PCDHGA7: variants seen among roughly 807,000 people sequenced by gnomAD.
PCDHGA7 encodes the protein protocadherin gamma-A7.
A neutral mutation model predicts 58.3 loss-of-function variants in PCDHGA7; 44 were observed. The observed-to-expected ratio is 0.75, with a 90% CI of 0.59 to 0.97. The LOEUF is 0.97. Among genes scored for constraint, PCDHGA7 ranks in the 50% least tolerant of loss-of-function variants. The pLI is 0.00. For missense variants in PCDHGA7, 1,266 were observed against 1,188.7 expected (o/e 1.06, Z -0.96); for synonymous variants, 516 against 504.2 (o/e 1.02, Z -0.31).
intron 1 of PCDHGA7, among the ~76,000 whole-genome samples, chr5:141,450,830 T>TTTA (rs1554136905): frequency 6.9e-5 from 7 of 101,548 alleles, no homozygotes; most frequent in East Asian, 2.6e-4. Flanking sequence ...ATTATTATTA[T>TTTA]TTTTTTTTTT....
chr5:141,390,965 A>G (rs2092279401), intron 1 of PCDHGA7: 1 of 152,252 alleles, frequency 6.6e-6, no homozygotes, highest in Admixed American at 6.5e-5. Context: ...TACTTGTAAC[A>G]TAGGAGTTTC....
chr5:141,425,394 G>T (rs186813737), intron 1 of PCDHGA7, among the ~76,000 whole-genome samples: 10 of 152,302 alleles, frequency 6.6e-5, no homozygotes, highest in African/African-American at 2.4e-4. Context: ...TAGTGATAAA[G>T]TTCTGTTAAG....
At chr5:141,458,891 G>A (rs775720263) in intron 1 of PCDHGA7, among the ~76,000 whole-genome samples, 10 of 151,976 alleles carry the variant, frequency 6.6e-5, no homozygotes, top group South Asian at 2.1e-4. Context: ...CACACCATGC[G>A]CAGCTAATTT....
In PCDHGA7 at chr5:141,384,761, TG is replaced by T. The variant is rs747704737; in HGVS notation, c.1863del (p.Tyr622ThrfsTer84). 15 of 1,613,968 alleles carry T rather than the reference TG, an allele frequency of 9.3e-6. No homozygotes were observed. The highest frequency in any genetic ancestry group is 1.3e-5 in the Non-Finnish European group (15 of 1,180,026). ...ASEPGLFAVGLYTGEVRTARA... is the reference protein window; with the variant it reads ...ASEPGLFAVGXYTGEVRTARA... ...GAGCCAGGACTCTTTGCGGTTGGGC[TG>T]TACACGGGCGAGGTGCGCACGGCTC... is the stretch of plus-strand genomic sequence containing the variant. On this transcript the variant is annotated frameshift_variant, in exon 1 of 4. Coordinates refer to ENST00000518325, the MANE Select transcript of PCDHGA7 (RefSeq NM_018920.4). LOFTEE classifies it high-confidence loss of function.
chr5:141,401,250 GA>G (rs1387561920), intron 1 of PCDHGA7, among the ~76,000 whole-genome samples: 4 of 152,148 alleles, frequency 2.6e-5, no homozygotes, highest in African/African-American at 9.7e-5. Flanking sequence ...GCTAAGACAG[GA>G]GAATTGCTTG....
intron 1 of PCDHGA7, among the ~76,000 whole-genome samples, chr5:141,453,176 C>A (rs1225418058): frequency 6.6e-6 from 1 of 152,042 alleles, no homozygotes; most frequent in African/African-American, 2.4e-5. Flanking sequence ...TCCAGTGGTA[C>A]AATCACAGCT....
intron 1 of PCDHGA7, chr5:141,417,070 G>A (rs1324168481): frequency 6.6e-6 from 1 of 151,864 alleles, no homozygotes; most frequent in Non-Finnish European, 1.5e-5. Flanking sequence ...TGTAGCTATT[G>A]TGAGAAAATA....
chr5:141,485,734 C>T lies in PCDHGA7; in HGVS notation c.2425-9073C>T. ...CACTGGATGTGAAGAAGCGCAGCGACGGCAGCCTGGTCCCAGAGCTGCTCC... is the reference window on the plus strand; with the variant it reads ...CACTGGATGTGAAGAAGCGCAGCGATGGCAGCCTGGTCCCAGAGCTGCTCC... On this transcript the variant is annotated intron_variant, in intron 1 of 3. Transcript: ENST00000518325. This position sits in a 1 kb window ranked among gnomAD's most constrained non-coding sequence, Gnocchi z 5.7. The T allele has an allele frequency of 6.2e-7, 1 of 1,614,210 alleles. No individual in the cohort carries two copies. The highest frequency in any genetic ancestry group is 8.5e-7 in the Non-Finnish European group (1 of 1,180,028).
intron 1 of PCDHGA7, among the ~76,000 whole-genome samples, chr5:141,455,243 A>G (rs945218710): frequency 1.3e-5 from 2 of 152,146 alleles, no homozygotes; most frequent in Non-Finnish European, 2.9e-5. Flanking sequence ...GTTAAAGGTC[A>G]TAGTACAATC....
chr5:141,405,437 T>A, intron 1 of PCDHGA7: 1 of 1,433,230 alleles, frequency 7.0e-7, no homozygotes, highest in Non-Finnish European at 9.6e-7. Context: ...GTTTTGTTTT[T>A]GAGACAGAGT....
chr5:141,463,388 C>T (rs1470533734), intron 1 of PCDHGA7, among the ~76,000 whole-genome samples: 1 of 150,092 alleles, frequency 6.7e-6, no homozygotes, highest in Non-Finnish European at 1.5e-5. Flanking sequence ...AAAGTTGTCT[C>T]CAGGCAAAAA....
At chr5:141,415,638 T>G in intron 1 of PCDHGA7, 1 of 1,598,954 alleles carries the variant, frequency 6.3e-7, no homozygotes, top group Non-Finnish European at 8.5e-7. Flanking sequence ...TTTTTACTTT[T>G]GTTAAAAAAA....
In PCDHGA7 at chr5:141,433,056, G is replaced by T. The variant is rs1422450948; in HGVS notation, c.2424+47733G>T. ...TCCCTCACCACGGACTCGCGGAAGA[G>T]TCACCTGATCTTCCCCCAGCCCAAC... On this transcript the variant is annotated intron_variant, in intron 1 of 3. Coordinates refer to ENST00000518325, the MANE Select transcript of PCDHGA7 (RefSeq NM_018920.4). The T allele has an allele frequency of 6.8e-6, 11 of 1,614,086 alleles. No homozygotes were observed. In the South Asian group the frequency reaches 1.1e-4, roughly 16 times the overall value.
chr5:141,445,973 G>A (rs563637331), intron 1 of PCDHGA7, among the ~76,000 whole-genome samples: 28 of 152,326 alleles, frequency 1.8e-4, no homozygotes, highest in African/African-American at 6.0e-4. Flanking sequence ...ATTGATTTAT[G>A]AGGGTTATAA....
intron 1 of PCDHGA7, among the ~76,000 whole-genome samples, chr5:141,457,665 G>A (rs2098927092): frequency 6.6e-6 from 1 of 152,330 alleles, no homozygotes; most frequent in Non-Finnish European, 1.5e-5. Flanking sequence ...AGCAAGAATG[G>A]TTATTTCTAC....
At chr5:141,502,480 AC>A (rs145333712) in intron 2 of PCDHGA7, among the ~76,000 whole-genome samples, 7,822 of 152,242 alleles carry the variant, frequency 0.051, 439 homozygotes, top group African/African-American at 0.14. Flanking sequence ...GCAGCATCAC[AC>A]TGGGACTCAT....
intron 1 of PCDHGA7, chr5:141,399,447 C>CAT: frequency 6.2e-7 from 1 of 1,614,006 alleles, no homozygotes; most frequent in Non-Finnish European, 8.5e-7. Flanking sequence ...ATATCAGAGA[C>CAT]GTCAACGATA....
intron 1 of PCDHGA7, chr5:141,391,145 G>A (rs1212141265): frequency 6.6e-6 from 1 of 152,000 alleles, no homozygotes; most frequent in African/African-American, 2.4e-5. Flanking sequence ...CTACCTCTAG[G>A]AAAGAAATAT....
At chr5:141,404,615 C>T in intron 1 of PCDHGA7, 5 of 1,614,122 alleles carry the variant, frequency 3.1e-6, no homozygotes, top group Non-Finnish European at 4.2e-6. Flanking sequence ...TGTTTTGGAC[C>T]AGAATGACAA....
Sources: gnomAD v4.1 joint callset for allele counts (sites outside exome capture counted in the v4.1 genomes callset) on GRCh38, gnomAD v4.1.1 for gene constraint, Gnocchi (gnomAD v3.1) non-coding constraint, MANE v1.5 for transcripts, NCBI Gene and HGNC (gene_info 2026-07-23, HGNC 2026-07-21) for gene names.